PSMB2: variants seen among roughly 807,000 people sequenced by gnomAD.
PSMB2 encodes proteasome 20S subunit beta 2, also known as proteasome subunit beta type-2.
A neutral mutation model predicts 25.7 loss-of-function variants in PSMB2; 13 were observed. The ratio of observed to expected loss-of-function variants is 0.51; its 90% confidence interval spans 0.33 to 0.80. The LOEUF (loss-of-function observed/expected upper bound fraction) is 0.80. Among genes scored for constraint, PSMB2 ranks in the 30% least tolerant of loss-of-function variants. The pLI is 0.02. For synonymous variants in PSMB2, 87 were observed against 96.2 expected, an observed-to-expected ratio of 0.90 and a Z score of 0.56; for missense variants, 202 against 259.0, an observed-to-expected ratio of 0.78 and a Z score of 1.51.
In PSMB2 at chr1:35,602,372, T is replaced by A. The variant is rs1186761463; in HGVS notation, c.*895A>T. Reference sequence around the variant, plus strand: ...CTAAAAAATTTAAAGGGGGCATGTGTCTGTATGTATGTATACTTTACACAG... The same window carrying A: ...CTAAAAAATTTAAAGGGGGCATGTGACTGTATGTATGTATACTTTACACAG... On this transcript the variant is annotated 3_prime_UTR_variant, in exon 6 of 6. Coordinates refer to ENST00000373237, the MANE Select transcript of PSMB2 (RefSeq NM_002794.5). 1 of 152,184 alleles carries A rather than the reference T, an allele frequency of 6.6e-6. No individual in the cohort carries two copies. The highest frequency in any genetic ancestry group is 1.5e-5 in the Non-Finnish European group (1 of 68,030). The allele number at this position is 152,184 out of a possible 1,614,324, so 9.4% of individuals were successfully genotyped here.
Position 35,600,670 on chromosome 1 carries a change from G to A in PSMB2, c.*2597C>T, listed in dbSNP as rs1161682639. On this transcript the variant is annotated 3_prime_UTR_variant, in exon 6 of 6. Coordinates refer to ENST00000373237, the MANE Select transcript of PSMB2 (RefSeq NM_002794.5). ...AGTTCGATGTCCCTAAATCTGGAGG[G>A]TGAGCTATCTAGGAATGAGTTGATT... The A allele has an allele frequency of 1.0e-6, 1 of 985,238 alleles. No homozygotes were observed. Among genetic ancestry groups the A allele is most frequent in the Non-Finnish European group, 1.2e-6 (1 of 829,914 alleles). The allele number at this position is 985,238 out of a possible 1,614,324, so 61.0% of individuals were successfully genotyped here. A position where few individuals can be genotyped will look rare whatever the true frequency, so the allele number is the denominator to read the frequency against.
rs757224682 is a variant in PSMB2, at chr1:35,641,350, A to G, written c.83T>C (p.Met28Thr). The G allele has an allele frequency of 6.2e-7, 1 of 1,614,000 alleles. No individual in the cohort carries two copies. Among genetic ancestry groups the G allele is most frequent in the Admixed American group, 1.7e-5 (1 of 59,994 alleles). Residue 28 changes from methionine to threonine, a missense_variant, in exon 1 of 6, where the codon ATG (methionine) becomes ACG (threonine). By Grantham distance (81) the Met-to-Thr change is moderately conservative (BLOSUM62 -1). Coordinates refer to ENST00000373237, the MANE Select transcript of PSMB2 (RefSeq NM_002794.5). The stretch of plus-strand genomic sequence containing the variant: ...CCCCTGCTTCCTCTCACCGTCCTTC[A>G]TCTGGACAATATTGCTGGCGGCCAC... ...DRVAASNIVQ[M>T]KDDHDKMFKM...
chr1:35,604,545 C>G (rs1259403408), intron 5 of PSMB2, among the ~76,000 whole-genome samples: 6 of 151,988 alleles, frequency 3.9e-5, no homozygotes. Flanking sequence ...TTTGGGAGGC[C>G]GAGGCAGGCG....
intron 3 of PSMB2, among the ~76,000 whole-genome samples, chr1:35,626,386 G>A (rs1161757365): frequency 6.6e-6 from 1 of 152,040 alleles, no homozygotes; most frequent in Non-Finnish European, 1.5e-5. Context: ...TTCCCTTCCA[G>A]TGTATAAATG....
At chr1:35,618,397 G>T (rs1199546365) in intron 3 of PSMB2, among the ~76,000 whole-genome samples, 1 of 152,148 alleles carries the variant, frequency 6.6e-6, no homozygotes, top group Non-Finnish European at 1.5e-5. Flanking sequence ...GAGCCAGCCA[G>T]TGAAGAGTTT....
chr1:35,604,613 C>T (rs1239905938), intron 5 of PSMB2, among the ~76,000 whole-genome samples: 3 of 152,066 alleles, frequency 2.0e-5, no homozygotes, highest in Non-Finnish European at 2.9e-5. Flanking sequence ...AACCCTGTCT[C>T]TACTAAAAAT....
At chr1:35,609,170 C>G (rs1166010637) in intron 4 of PSMB2, 76 bp downstream of exon 4, 1 of 1,349,958 alleles carries the variant, frequency 7.4e-7, no homozygotes, top group African/African-American at 1.5e-5. Flanking sequence ...CACCCAACTC[C>G]AAGAGTGGAC....
chr1:35,601,321 T>G lies in PSMB2; in HGVS notation c.*1946A>C, dbSNP rs967022574. 7.5e-5 allele frequency: 71 copies of G among 943,720 alleles called. No individual in the cohort carries two copies. Among genetic ancestry groups the G allele is most frequent in the Middle Eastern group, 1.1e-3 (2 of 1,850 alleles). 58.5% of individuals were successfully genotyped at this position (943,720 alleles called of 1,614,324 possible). A position where few individuals can be genotyped will look rare whatever the true frequency, so the allele number is the denominator to read the frequency against. ...CCTGACCTCAGGTGATCCGCCCGCC[T>G]CGGCGGGCGGCCAAAGTGCTGGGAT... is the stretch of plus-strand genomic sequence containing the variant. On this transcript the variant is annotated 3_prime_UTR_variant, in exon 6 of 6. Transcript: ENST00000373237.
intron 3 of PSMB2, among the ~76,000 whole-genome samples, chr1:35,628,595 AAATATATATATATATATAT>A (rs1305130180): frequency 8.3e-5 from 1 of 12,068 alleles, no homozygotes; most frequent in Non-Finnish European, 1.6e-4. Context: ...AAAAAAAAAA[AAATATATATATATATATAT>A]ATATATATAT....
At chr1:35,612,095 A>G (rs1213061995) in intron 3 of PSMB2, among the ~76,000 whole-genome samples, 1 of 152,220 alleles carries the variant, frequency 6.6e-6, no homozygotes, top group Non-Finnish European at 1.5e-5. Context: ...TTTTAGTGAT[A>G]GGACAGTGGG....
At chr1:35,615,542 A>C (rs1486164242) in intron 3 of PSMB2, among the ~76,000 whole-genome samples, 1 of 152,238 alleles carries the variant, frequency 6.6e-6, no homozygotes, top group African/African-American at 2.4e-5. Context: ...AATGGTTGTG[A>C]TAAATACACT....
chr1:35,603,542 G>A (rs1182028711), intron 5 of PSMB2, among the ~76,000 whole-genome samples, 168 bp from the exon 6 acceptor site: 5 of 152,146 alleles, frequency 3.3e-5, no homozygotes, highest in African/African-American at 1.2e-4. Context: ...TAGTGGTAGA[G>A]GGTACCCAAA....
Position 35,641,500 on chromosome 1 carries a change from G to C in PSMB2, c.-68C>G. ...ACTCGCCCGCTTCCAGGTCTCACCGGTGAGACAGCACCTCAGAGCGAAGAT... is the reference window on the plus strand; with the variant it reads ...ACTCGCCCGCTTCCAGGTCTCACCGCTGAGACAGCACCTCAGAGCGAAGAT... On this transcript the variant is annotated 5_prime_UTR_variant, in exon 1 of 6. Coordinates refer to ENST00000373237, the MANE Select transcript of PSMB2 (RefSeq NM_002794.5). 1 of 1,605,760 alleles carries C rather than the reference G, an allele frequency of 6.2e-7. No individual in the cohort carries two copies. The highest frequency in any genetic ancestry group is 8.5e-7 in the Non-Finnish European group (1 of 1,175,702).
intron 1 of PSMB2, among the ~76,000 whole-genome samples, chr1:35,638,150 T>C (rs1214154383): frequency 1.3e-5 from 2 of 152,168 alleles, no homozygotes; most frequent in African/African-American, 4.8e-5. Flanking sequence ...AACTTTAAAA[T>C]TAGCTTAATA....
chr1:35,627,017 C>T (rs1377184319), intron 3 of PSMB2, among the ~76,000 whole-genome samples: 1 of 151,940 alleles, frequency 6.6e-6, no homozygotes, highest in Non-Finnish European at 1.5e-5. Flanking sequence ...ATTTAAATAG[C>T]CCCATGTGGC....
chr1:35,622,904 C>T lies in PSMB2; in HGVS notation c.285+8370G>A, dbSNP rs114866194. ...TTCCCAAGTTATTTTTTTTAGGATC[C>T]TAGTAAGTGTAATGATTCAACAGCC... On this transcript the variant is annotated intron_variant, in intron 3 of 5. Coordinates refer to ENST00000373237, the MANE Select transcript of PSMB2 (RefSeq NM_002794.5). 3.4e-3 allele frequency among the ~76,000 whole-genome samples: 515 copies of T among 151,460 alleles called. 3 individuals are homozygous for T. The highest frequency in any genetic ancestry group is 0.012 in the African/African-American group (497 of 41,288).
At chr1:35,605,426 C>T (rs1650136768) in intron 4 of PSMB2, 144 bp from the exon 5 acceptor site, 1 of 834,172 alleles carries the variant, frequency 1.2e-6, no homozygotes. Context: ...TGCCTTCTAG[C>T]CTGCAATCAA....
chr1:35,612,569 T>A (rs538808564), intron 3 of PSMB2, among the ~76,000 whole-genome samples: 2 of 152,288 alleles, frequency 1.3e-5, no homozygotes, highest in South Asian at 4.1e-4. Flanking sequence ...AGACATAGAA[T>A]ACCTTGGTGT....
Position 35,603,225 on chromosome 1 carries a change from TC to T in PSMB2, c.*41del, listed in dbSNP as rs1650057483. The T allele has an allele frequency of 6.3e-7, 1 of 1,593,512 alleles. No individual in the cohort carries two copies. The highest frequency in any genetic ancestry group is 1.4e-5 in the African/African-American group (1 of 73,228). ...GAGTAGAAAAAAATAAAGGAGCCCA[TC>T]AAAAAAAAGTTCCCTGGCAAGTGGG... On this transcript the variant is annotated 3_prime_UTR_variant, in exon 6 of 6. Transcript: ENST00000373237.
Sources: allele counts gnomAD v4.1 joint callset (sites outside exome capture counted in the v4.1 genomes callset), GRCh38; gene constraint gnomAD v4.1.1; transcripts MANE v1.5; gene names NCBI Gene and HGNC (gene_info 2026-07-23, HGNC 2026-07-21).